ITM2C: variants seen among roughly 807,000 people sequenced by gnomAD.
The protein encoded by ITM2C is integral membrane protein 2C.
A neutral mutation model predicts 30.0 loss-of-function variants in ITM2C; 20 were observed. That is an observed-to-expected ratio of 0.67 (90% CI 0.47 to 0.97). The LOEUF is 0.97. ITM2C is among the 50% of genes least tolerant of loss of function. The pLI is 0.00. For missense variants in ITM2C, 366 were observed against 371.9 expected, an observed-to-expected ratio of 0.98 and a Z score of 0.13; for synonymous variants, 167 against 156.4, an observed-to-expected ratio of 1.07 and a Z score of -0.51.
At chr2:230,875,927 AC>A in intron 3 of ITM2C, 119 bp downstream of exon 3, 1 of 805,828 alleles carries the variant, frequency 1.2e-6, no homozygotes, top group Non-Finnish European at 1.9e-6. Flanking sequence ...GGTTAGGCTT[AC>A]CAGGGTCTTC....
intron 1 of ITM2C, among the ~76,000 whole-genome samples, chr2:230,870,737 C>A (rs917977317): frequency 6.6e-6 from 1 of 152,244 alleles, no homozygotes; most frequent in Non-Finnish European, 1.5e-5. Context: ...AGCTCAAGTT[C>A]TGCAGACCAG....
Position 230,875,727 on chromosome 2 carries a change from C to A in ITM2C, c.369C>A (p.Asp123Glu), listed in dbSNP as rs762891036. 2 of 1,613,256 alleles carry A rather than the reference C, an allele frequency of 1.2e-6. No individual in the cohort carries two copies. Among genetic ancestry groups the A allele is most frequent in the East Asian group, 2.2e-5 (1 of 44,836 alleles). The change falls in exon 3 of 6, where the codon GAC becomes GAA. Residue 123 changes from aspartate to glutamate, a missense_variant. Transcript: ENST00000326427. ...ELEEDVKIYL[D>E]ENYERINVPV... ...AAGAGGATGTGAAAATCTACCTCGACGAGAACTACGAGCGCATCAACGTGC... is the reference window on the plus strand; with the variant it reads ...AAGAGGATGTGAAAATCTACCTCGAAGAGAACTACGAGCGCATCAACGTGC...
At chr2:230,875,108 C>T (rs1697258923) in intron 2 of ITM2C, among the ~76,000 whole-genome samples, 2 of 152,210 alleles carry the variant, frequency 1.3e-5, no homozygotes, top group African/African-American at 4.8e-5. Context: ...GAAAGGCAGT[C>T]GTGCACAGGC....
chr2:230,876,032 G>A (rs1042519538), intron 3 of ITM2C, among the ~76,000 whole-genome samples: 4 of 152,182 alleles, frequency 2.6e-5, no homozygotes, highest in African/African-American at 4.8e-5. Flanking sequence ...CCAGCTGCAC[G>A]CTGGCTGTCA....
intron 3 of ITM2C, among the ~76,000 whole-genome samples, chr2:230,876,431 G>C (rs1697298985): frequency 6.6e-6 from 1 of 152,154 alleles, no homozygotes; most frequent in Non-Finnish European, 1.5e-5. Context: ...CTCTGCTCCT[G>C]AAGGCCCAGG....
intron 2 of ITM2C, among the ~76,000 whole-genome samples, chr2:230,874,388 A>G (rs751161594): frequency 2.0e-5 from 3 of 151,618 alleles, no homozygotes; most frequent in Non-Finnish European, 4.4e-5. Context: ...CACTCCCTCC[A>G]TGGCCTGCGT....
chr2:230,875,579 C>T lies in ITM2C; in HGVS notation c.262-41C>T, dbSNP rs368335833. 9 of 1,552,286 alleles carry T rather than the reference C, an allele frequency of 5.8e-6. No homozygotes were observed. In the African/African-American group the frequency reaches 9.5e-5, roughly 16 times the overall value. On this transcript the variant is annotated intron_variant, in intron 2 of 5. Transcript: ENST00000326427. ...GGGCCTTACGGAGTGCGTGTATGACCAGCCTCTCTGACTGTCTGTCTGTCT... is the reference window on the plus strand; with the variant it reads ...GGGCCTTACGGAGTGCGTGTATGACTAGCCTCTCTGACTGTCTGTCTGTCT...
chr2:230,876,216 C>A lies in ITM2C; in HGVS notation c.450+408C>A, dbSNP rs149582413. 9.7e-4 allele frequency among the ~76,000 whole-genome samples: 148 copies of A among 152,308 alleles called. 1 individual carries two copies. Among genetic ancestry groups the A allele is most frequent in the African/African-American group, 3.4e-3 (140 of 41,554 alleles). On this transcript the variant is annotated intron_variant, in intron 3 of 5. Transcript: ENST00000326427. ...CAGGCTGTCCCAGGAATGGCTGGCC[C>A]TCACAGGTTTCATAAATGCACAGCT... is the stretch of plus-strand genomic sequence containing the variant.
chr2:230,878,326 T>C lies in ITM2C; in HGVS notation c.*227T>C, dbSNP rs1479822192. ...CTGGGTGTGGCGGAGGGAGAGGCGA[T>C]GCTGCAAAGTGTTTTCTGTGTCCCA... is the stretch of plus-strand genomic sequence containing the variant. On this transcript the variant is annotated 3_prime_UTR_variant, in exon 6 of 6. Transcript: ENST00000326427. This position sits in a 1 kb window ranked among gnomAD's most constrained non-coding sequence, Gnocchi z 4.5. 8.7e-6 allele frequency: 3 copies of C among 343,388 alleles called. No homozygotes were observed. The Admixed American group carries it at 1.4e-4, about 16-fold the overall frequency. 21.3% of individuals were successfully genotyped at this position (343,388 alleles called of 1,614,324 possible).
At chr2:230,864,847 C>A (rs1696982183), upstream of ITM2C, 20 of 719,444 alleles carry the variant, frequency 2.8e-5, no homozygotes, top group Non-Finnish European at 3.7e-5. The surrounding 1 kb of genome is among the most constrained non-coding windows in gnomAD (Gnocchi z 4.3). Context: ...GGGGCGCAGG[C>A]GCGGCGGGCG....
At chr2:230,876,384 G>A (rs949608385) in intron 3 of ITM2C, among the ~76,000 whole-genome samples, 1 of 152,192 alleles carries the variant, frequency 6.6e-6, no homozygotes, top group African/African-American at 2.4e-5. Flanking sequence ...CCAGGAAAAG[G>A]GAGTGCCCGC....
Position 230,865,140 on chromosome 2 carries a change from G to T in ITM2C, c.115G>T (p.Ala39Ser). The T allele has an allele frequency of 6.7e-7, 1 of 1,484,888 alleles. No homozygotes were observed. The allele number at this position is 1,484,888 out of a possible 1,614,324, so 92.0% of individuals were successfully genotyped here. A position where few individuals can be genotyped will look rare whatever the true frequency, so the allele number is the denominator to read the frequency against. The change falls in exon 1 of 6, where the codon GCT (alanine) becomes TCT (serine). Residue 39 changes from alanine (A) to serine (S), a missense_variant. By Grantham distance (99) the Ala-to-Ser change is moderately conservative. Transcript: ENST00000326427. This position sits in a 1 kb window ranked among gnomAD's most constrained non-coding sequence, Gnocchi z 6.8. ...ASATEILLTPAREEQPPQHRS... is the reference protein window; with the variant it reads ...ASATEILLTPSREEQPPQHRS... Reference sequence around the variant, plus strand: ...GGCCACCGAGATCCTGCTGACGCCGGCTAGGGTGAGAGGGTCTGGGGCTCA... The same window carrying T: ...GGCCACCGAGATCCTGCTGACGCCGTCTAGGGTGAGAGGGTCTGGGGCTCA...
At chr2:230,873,838 C>T (rs1310145635) in intron 2 of ITM2C, among the ~76,000 whole-genome samples, 1 of 152,244 alleles carries the variant, frequency 6.6e-6, no homozygotes, top group East Asian at 1.9e-4. Flanking sequence ...GAATTCTCAC[C>T]AGAAACTCAG....
chr2:230,868,685 C>T (rs1559155015), intron 1 of ITM2C, among the ~76,000 whole-genome samples: 2 of 152,234 alleles, frequency 1.3e-5, no homozygotes, highest in South Asian at 2.1e-4. Context: ...CCTAGTGTGT[C>T]CTGGTCTCAG....
Position 230,865,902 on chromosome 2 carries a change from G to A in ITM2C, c.120+757G>A, listed in dbSNP as rs1157222590. On this transcript the variant is annotated intron_variant, in intron 1 of 5. Transcript: ENST00000326427. The surrounding 1 kb of genome is among the most constrained non-coding windows in gnomAD (Gnocchi z 6.8). Reference sequence around the variant, plus strand: ...GGCTGTCCCCCGACCCCACGGGGAGGGCTCCCAACTGCCCCAGTGCCCTTG... The same window carrying A: ...GGCTGTCCCCCGACCCCACGGGGAGAGCTCCCAACTGCCCCAGTGCCCTTG... 1 of 152,148 alleles carries A rather than the reference G, an allele frequency of 6.6e-6. No homozygotes were observed. The highest frequency in any genetic ancestry group is 1.5e-5 in the Non-Finnish European group (1 of 68,128). The allele number at this position is 152,148 out of a possible 1,614,324, so 9.4% of individuals were successfully genotyped here.
At chr2:230,872,665 T>A (rs1236726910) in intron 1 of ITM2C, among the ~76,000 whole-genome samples, 1 of 152,166 alleles carries the variant, frequency 6.6e-6, no homozygotes, top group Non-Finnish European at 1.5e-5. Context: ...ATCCTGTAGC[T>A]GTTACACCAC....
rs778656886 is a variant in ITM2C at position 230,878,022 on chromosome 2, G to A, written c.727G>A (p.Gly243Arg). The change falls in exon 6 of 6, where the codon GGG (glycine) becomes AGG (arginine). Residue 243 changes from glycine to arginine, a missense_variant. By Grantham distance (125) the Gly-to-Arg change is moderately radical. Transcript: ENST00000326427. This position sits in a 1 kb window ranked among gnomAD's most constrained non-coding sequence, Gnocchi z 4.5. Reference sequence around the variant, plus strand: ...TTTCCTCCCAGGGATCAACAAGCGTGGGGCCAAGAACTGCAATGCCATCCG... The same window carrying A: ...TTTCCTCCCAGGGATCAACAAGCGTAGGGCCAAGAACTGCAATGCCATCCG... The part of the protein sequence containing the change: ...RATRRRINKR[G>R]AKNCNAIRHF... 1.2e-6 allele frequency: 2 copies of A among 1,612,658 alleles called. No homozygotes were observed. Among genetic ancestry groups the A allele is most frequent in the Non-Finnish European group, 1.7e-6 (2 of 1,179,264 alleles).
chr2:230,865,270 T>G lies in ITM2C; in HGVS notation c.120+125T>G. ...CCCAGAGCCCGGGGTGGAGCAGGGT[T>G]GGGAAGTCTCGAATGGTTGCTTATC... is the stretch of plus-strand genomic sequence containing the variant. On this transcript the variant is annotated intron_variant, in intron 1 of 5. Transcript: ENST00000326427. This position sits in a 1 kb window ranked among gnomAD's most constrained non-coding sequence, Gnocchi z 6.8. 9.4e-7 allele frequency: 1 copy of G among 1,058,898 alleles called. No individual in the cohort carries two copies. Among genetic ancestry groups the G allele is most frequent in the Non-Finnish European group, 1.2e-6 (1 of 816,210 alleles). The allele number at this position is 1,058,898 out of a possible 1,614,324, so 65.6% of individuals were successfully genotyped here.
intron 1 of ITM2C, among the ~76,000 whole-genome samples, chr2:230,866,286 C>T (rs962891478): frequency 6.6e-6 from 1 of 152,240 alleles, no homozygotes; most frequent in Non-Finnish European, 1.5e-5. Flanking sequence ...TCCCCACTTC[C>T]AGATGCAGGC....
Sources: gnomAD v4.1 joint callset for allele counts (sites outside exome capture counted in the v4.1 genomes callset) on GRCh38, gnomAD v4.1.1 for gene constraint, Gnocchi (gnomAD v3.1) non-coding constraint, MANE v1.5 for transcripts, NCBI Gene and HGNC (gene_info 2026-07-23, HGNC 2026-07-21) for gene names.